Variants in RABGAP1L observed in about 807,000 individuals in gnomAD.
RABGAP1L encodes rab GTPase-activating protein 1-like.
A neutral mutation model predicts 137.7 loss-of-function variants in RABGAP1L; 63 were observed. The observed-to-expected ratio is 0.46, with a 90% CI of 0.37 to 0.56. The LOEUF is 0.56. Among genes scored for constraint, RABGAP1L ranks in the 20% least tolerant of loss-of-function variants. RABGAP1L has a pLI of 0.00. For synonymous variants in RABGAP1L, 431 were observed against 433.7 expected (o/e 0.99, Z 0.08); for missense variants, 1,095 against 1,244.0 (o/e 0.88, Z 1.80).
intron 17 of RABGAP1L, among the ~76,000 whole-genome samples, chr1:174,743,012 A>G (rs183971117): frequency 2.6e-5 from 4 of 152,288 alleles, no homozygotes; most frequent in Admixed American, 2.6e-4. Flanking sequence ...ATATGTTACC[A>G]CAACACCAGG....
chr1:174,553,221 C>T (rs1666669304), intron 13 of RABGAP1L, among the ~76,000 whole-genome samples: 1 of 152,120 alleles, frequency 6.6e-6, no homozygotes. Flanking sequence ...GGCAGAAGCT[C>T]TTTAGTTTAA....
intron 19 of RABGAP1L, among the ~76,000 whole-genome samples, chr1:174,949,598 A>G (rs1667417708): frequency 6.6e-6 from 1 of 152,154 alleles, no homozygotes; most frequent in Non-Finnish European, 1.5e-5. Flanking sequence ...AATATCTTGA[A>G]TGTTAACCAT....
At chr1:174,390,638 C>CAG (rs1376264419) in intron 12 of RABGAP1L, among the ~76,000 whole-genome samples, 1 of 152,068 alleles carries the variant, frequency 6.6e-6, no homozygotes, top group African/African-American at 2.4e-5. Flanking sequence ...GAGGCTATTG[C>CAG]AGAAGTCTGG....
chr1:174,780,791 A>G (rs36155622), intron 18 of RABGAP1L, among the ~76,000 whole-genome samples: 90,902 of 141,952 alleles, frequency 0.64, 31,689 homozygotes, highest in East Asian at 0.93. Context: ...TCATTGTTCA[A>G]TTCCCACCTG....
intron 13 of RABGAP1L, chr1:174,548,085 G>T: frequency 6.5e-7 from 1 of 1,545,808 alleles, no homozygotes; most frequent in South Asian, 1.2e-5. Context: ...AGCTTAGCAT[G>T]AGTGCTTTCT....
intron 19 of RABGAP1L, among the ~76,000 whole-genome samples, chr1:174,906,774 G>A (rs529091425): frequency 1.3e-5 from 2 of 152,050 alleles, no homozygotes; most frequent in East Asian, 3.9e-4. Flanking sequence ...GAGAGGATTT[G>A]AAAAGCAGCA....
At chr1:174,916,957 G>C (rs1243520960) in intron 19 of RABGAP1L, among the ~76,000 whole-genome samples, 2 of 152,190 alleles carry the variant, frequency 1.3e-5, no homozygotes, top group Non-Finnish European at 2.9e-5. Context: ...AGTTTTGGAG[G>C]CTGGGAAATA....
At chr1:174,226,586 G>A (rs1156538237) in intron 3 of RABGAP1L, among the ~76,000 whole-genome samples, 1 of 152,082 alleles carries the variant, frequency 6.6e-6, no homozygotes, top group Non-Finnish European at 1.5e-5. Flanking sequence ...TTGAAGTTCT[G>A]CTATTAAGGG....
intron 11 of RABGAP1L, among the ~76,000 whole-genome samples, chr1:174,308,998 T>C (rs1678564333): frequency 6.6e-6 from 1 of 152,046 alleles, no homozygotes. Flanking sequence ...ATTCTTCCAA[T>C]CCATGTACAC....
chr1:174,366,038 A>G (rs1302901022), intron 11 of RABGAP1L, among the ~76,000 whole-genome samples: 1 of 152,164 alleles, frequency 6.6e-6, no homozygotes, highest in Admixed American at 6.5e-5. Flanking sequence ...GACAAATACC[A>G]GTATATTTTT....
At chr1:174,539,761 A>C (rs1665210550) in intron 13 of RABGAP1L, among the ~76,000 whole-genome samples, 1 of 152,214 alleles carries the variant, frequency 6.6e-6, no homozygotes, top group African/African-American at 2.4e-5. Flanking sequence ...ATACGTATGC[A>C]TGTGTCTTTA....
chr1:174,847,123 C>T (rs1037086956), intron 19 of RABGAP1L, among the ~76,000 whole-genome samples: 2 of 146,636 alleles, frequency 1.4e-5, no homozygotes, highest in African/African-American at 5.0e-5. Flanking sequence ...ATGTGTGTCT[C>T]TGCACGTGAG....
intron 4 of RABGAP1L, among the ~76,000 whole-genome samples, chr1:174,240,458 G>T (rs560012775): frequency 6.6e-6 from 1 of 152,316 alleles, no homozygotes; most frequent in Non-Finnish European, 1.5e-5. Context: ...GTGTTGGTCA[G>T]ACTGGTCTTG....
At chr1:174,318,160 A>T (rs775229054) in intron 11 of RABGAP1L, among the ~76,000 whole-genome samples, 8 of 151,614 alleles carry the variant, frequency 5.3e-5, no homozygotes, top group Non-Finnish European at 8.8e-5. Flanking sequence ...TTCTGTGTAG[A>T]TAGTTGTTAA....
chr1:174,931,170 G>C (rs1663731320), intron 19 of RABGAP1L, among the ~76,000 whole-genome samples: 1 of 152,136 alleles, frequency 6.6e-6, no homozygotes, highest in African/African-American at 2.4e-5. Context: ...GAATGAATAT[G>C]TGTCCAGCAA....
At chr1:174,611,037 T>C (rs1161085660) in intron 13 of RABGAP1L, among the ~76,000 whole-genome samples, 11 of 150,282 alleles carry the variant, frequency 7.3e-5, no homozygotes, top group Admixed American at 1.3e-4. Context: ...TTTCTTTTGC[T>C]GTGCAGAAGC....
At chr1:174,526,866 T>G (rs1663917947) in intron 13 of RABGAP1L, among the ~76,000 whole-genome samples, 2 of 152,104 alleles carry the variant, frequency 1.3e-5, no homozygotes, top group African/African-American at 4.8e-5. Flanking sequence ...TTCTACCAAT[T>G]TGTGGTTTGG....
chr1:174,313,812 A>G lies in RABGAP1L; in HGVS notation c.1465+8685A>G, dbSNP rs141468818. ...TCATTCTGTTGATACGATGTATCAC[A>G]TTGATAGATTTGAACCATCCCTGCA... On this transcript the variant is annotated intron_variant, in intron 11 of 25. Transcript: ENST00000681986. Among the ~76,000 whole-genome samples, 103 of 152,306 alleles carry G rather than the reference A, an allele frequency of 6.8e-4. 1 individual carries two copies. The highest frequency in any genetic ancestry group is 2.3e-3 in the African/African-American group (94 of 41,572).
chr1:174,819,243 T>G lies in RABGAP1L; in HGVS notation c.2340+7283T>G, dbSNP rs556888016. Among the ~76,000 whole-genome samples the G allele has an allele frequency of 2.3e-5, 3 of 132,570 alleles. No individual in the cohort carries two copies. The South Asian group carries it at 7.3e-4, about 32-fold the overall frequency. 87.0% of individuals were successfully genotyped at this position (132,570 alleles called of 152,430 possible). On this transcript the variant is annotated intron_variant, in intron 19 of 25. Transcript: ENST00000681986. ...TAGTCAGCAAGCCTGAGAGTAAGTA[T>G]GGGAGAGAGAGAGATGAGTAAGTAC...
Sources: gnomAD v4.1 joint callset for allele counts (sites outside exome capture counted in the v4.1 genomes callset) on GRCh38, gnomAD v4.1.1 for gene constraint, MANE v1.5 for transcripts, NCBI Gene and HGNC (gene_info 2026-07-23, HGNC 2026-07-21) for gene names.